The following HIBCH variants were observed in gnomAD, a reference collection of about 807,000 sequenced individuals.
The protein encoded by HIBCH is 3-hydroxyisobutyryl-CoA hydrolase, mitochondrial.
HIBCH carries 50 observed loss-of-function variants against 58.2 expected under a neutral mutation model. That is an observed-to-expected ratio of 0.86 (90% CI 0.68 to 1.09). The LOEUF (loss-of-function observed/expected upper bound fraction) is 1.09, where lower values mean the gene tolerates loss of function less well. HIBCH is among the 50% of genes least tolerant of loss of function. The pLI, the probability that HIBCH is intolerant of heterozygous loss-of-function variation, is 0.00. For synonymous variants in HIBCH, 151 were observed against 146.9 expected (o/e 1.03, Z -0.20); for missense variants, 450 against 449.7 (o/e 1.00, Z -0.01).
chr2:190,274,886 C>T (rs1210612502), intron 6 of HIBCH, among the ~76,000 whole-genome samples: 1 of 152,214 alleles, frequency 6.6e-6, no homozygotes, highest in Non-Finnish European at 1.5e-5. Context: ...GAAAGGGAGA[C>T]ACTCTTACAA....
chr2:190,213,284 T>C (rs748755432), intron 11 of HIBCH: 32 of 533,732 alleles, frequency 6.0e-5, no homozygotes, highest in Admixed American at 2.2e-4. Flanking sequence ...ATAAATTCTG[T>C]AGCTGTGACT....
intron 4 of HIBCH, 100 bp downstream of exon 4, chr2:190,294,445 TA>T (rs1688051547): frequency 4.8e-6 from 4 of 835,972 alleles, no homozygotes; most frequent in African/African-American, 3.5e-5. Context: ...TAAAAAGTTC[TA>T]AAAAGTAAAG....
chr2:190,293,323 G>A (rs1361295238), intron 4 of HIBCH, among the ~76,000 whole-genome samples: 1 of 152,104 alleles, frequency 6.6e-6, no homozygotes, highest in African/African-American at 2.4e-5. Flanking sequence ...CATGTTGGCA[G>A]GCACCTGTAA....
chr2:190,229,980 C>T (rs958426346), intron 11 of HIBCH, among the ~76,000 whole-genome samples: 4 of 152,098 alleles, frequency 2.6e-5, no homozygotes, highest in Admixed American at 1.3e-4. Flanking sequence ...TGGTTGGTTA[C>T]TGTAGAGAGC....
Position 190,306,014 on chromosome 2 carries a change from A to C in HIBCH, c.78+4740T>G, listed in dbSNP as rs566259033. Reference sequence around the variant, plus strand: ...TAGCAAAAATGGAATGCCATACCTTATTCTGCACCTCCCACTGTTAATTCA... The same window carrying C: ...TAGCAAAAATGGAATGCCATACCTTCTTCTGCACCTCCCACTGTTAATTCA... On this transcript the variant is annotated intron_variant, in intron 2 of 13. Transcript: ENST00000359678. This position sits in a 1 kb window ranked among gnomAD's most constrained non-coding sequence, Gnocchi z 4.6. 8.5e-5 allele frequency among the ~76,000 whole-genome samples: 13 copies of C among 152,292 alleles called. No homozygotes were observed. Among genetic ancestry groups the C allele is most frequent in the Non-Finnish European group, 1.8e-4 (12 of 68,018 alleles).
intron 6 of HIBCH, among the ~76,000 whole-genome samples, chr2:190,269,893 T>TA (rs966151954): frequency 5.3e-5 from 8 of 151,724 alleles, no homozygotes; most frequent in Non-Finnish European, 7.4e-5. Flanking sequence ...TATGCAGCCA[T>TA]AAAAAAAACA....
Position 190,209,514 on chromosome 2 carries a change from T to A in HIBCH, c.1012-601A>T, listed in dbSNP as rs1476567808. On this transcript the variant is annotated intron_variant, in intron 12 of 13. Transcript: ENST00000359678. This position sits in a 1 kb window ranked among gnomAD's most constrained non-coding sequence, Gnocchi z 5.6. ...CTCAACCTCTACCCGTAGAGCACAC[T>A]CTTATTATAGTCTCAGCCAGTTACT... is the stretch of plus-strand genomic sequence containing the variant. Among the ~76,000 whole-genome samples the A allele has an allele frequency of 6.6e-6, 1 of 152,176 alleles. No homozygotes were observed. Among genetic ancestry groups the A allele is most frequent in the Non-Finnish European group, 1.5e-5 (1 of 68,032 alleles).
In HIBCH at chr2:190,264,825, G is replaced by A. The variant is rs982619365; in HGVS notation, c.439-3591C>T. Among the ~76,000 whole-genome samples, 4 of 151,994 alleles carry A rather than the reference G, an allele frequency of 2.6e-5. No individual in the cohort carries two copies. In the South Asian group the frequency reaches 8.3e-4, roughly 31 times the overall value. ...CAGGGAGTAAAAGTGTCAGGTCAAA[G>A]GGTATTAATCAGCCAGGTACAGTGG... On this transcript the variant is annotated intron_variant, in intron 6 of 13. Coordinates refer to ENST00000359678, the MANE Select transcript of HIBCH (RefSeq NM_014362.4).
chr2:190,221,836 C>T (rs1160626422), intron 11 of HIBCH, among the ~76,000 whole-genome samples: 1 of 152,156 alleles, frequency 6.6e-6, no homozygotes, highest in Admixed American at 6.5e-5. Flanking sequence ...AGGAATCTGG[C>T]CAGGGATGGC....
In HIBCH at chr2:190,279,283, T is replaced by A. The variant is rs2664246; in HGVS notation, c.438+8303A>T. Among the ~76,000 whole-genome samples, 2 of 152,048 alleles carry A rather than the reference T, an allele frequency of 1.3e-5. No homozygotes were observed. Among genetic ancestry groups the A allele is most frequent in the African/African-American group, 4.8e-5 (2 of 41,354 alleles). On this transcript the variant is annotated intron_variant, in intron 6 of 13. Coordinates refer to ENST00000359678, the MANE Select transcript of HIBCH (RefSeq NM_014362.4). The surrounding 1 kb of genome is among the most constrained non-coding windows in gnomAD (Gnocchi z 4.2). Reference sequence around the variant, plus strand: ...GCCTCACTTCTTAATACTGTTACATTCAGGATTAAGTTTCAACATGAGTTT... The same window carrying A: ...GCCTCACTTCTTAATACTGTTACATACAGGATTAAGTTTCAACATGAGTTT...
At chr2:190,194,742 G>A (rs1449127908) in intron 1 of HIBCH, among the ~76,000 whole-genome samples, 1 of 152,036 alleles carries the variant, frequency 6.6e-6, no homozygotes, top group Non-Finnish European at 1.5e-5. Flanking sequence ...ACTGTCTCCA[G>A]AGTCTTGCCA....
intron 11 of HIBCH, among the ~76,000 whole-genome samples, chr2:190,232,141 A>C (rs2105920913): frequency 6.6e-6 from 1 of 152,216 alleles, no homozygotes; most frequent in East Asian, 1.9e-4. Context: ...TTTGCAGTGA[A>C]CTGAGACTGT....
At chr2:190,298,044 T>C (rs2124826417) in intron 2 of HIBCH, among the ~76,000 whole-genome samples, 1 of 152,264 alleles carries the variant, frequency 6.6e-6, no homozygotes, top group South Asian at 2.1e-4. Context: ...CTGAGAATGA[T>C]AGTTTACAGC....
At chr2:190,253,817 G>A (rs1686848484) in intron 7 of HIBCH, among the ~76,000 whole-genome samples, 1 of 152,062 alleles carries the variant, frequency 6.6e-6, no homozygotes, top group Admixed American at 6.5e-5. Flanking sequence ...AGCCACTCTG[G>A]TCTTCTTTCA....
chr2:190,259,710 C>T (rs901243822), intron 7 of HIBCH, among the ~76,000 whole-genome samples: 1 of 152,094 alleles, frequency 6.6e-6, no homozygotes, highest in Non-Finnish European at 1.5e-5. Flanking sequence ...TATCCTACAG[C>T]TTTACTGTAT....
Position 190,244,484 on chromosome 2 carries a change from T to C in HIBCH, c.891+403A>G, listed in dbSNP as rs190608617. 3.5e-3 allele frequency among the ~76,000 whole-genome samples: 534 copies of C among 152,264 alleles called. 8 individuals are homozygous for C. Among genetic ancestry groups the C allele is most frequent in the African/African-American group, 0.012 (517 of 41,568 alleles). ...TTAAACCTCCTGTTTAGAAAGACCA[T>C]ATTAAGTAGAATTTATAGATCAATG... On this transcript the variant is annotated intron_variant, in intron 11 of 13. Transcript: ENST00000359678.
In HIBCH at chr2:190,281,909, G is replaced by C. The variant is rs1395406604; in HGVS notation, c.438+5677C>G. Among the ~76,000 whole-genome samples, 1 of 152,092 alleles carries C rather than the reference G, an allele frequency of 6.6e-6. No homozygotes were observed. The highest frequency in any genetic ancestry group is 1.5e-5 in the Non-Finnish European group (1 of 68,026). ...AGGTTCTTTGTCACTTTATTACAAGGATGCTCTTTACTCCAATATCTTGTT... is the reference window on the plus strand; with the variant it reads ...AGGTTCTTTGTCACTTTATTACAAGCATGCTCTTTACTCCAATATCTTGTT... On this transcript the variant is annotated intron_variant, in intron 6 of 13. Transcript: ENST00000359678. This position sits in a 1 kb window ranked among gnomAD's most constrained non-coding sequence, Gnocchi z 5.4.
intron 7 of HIBCH, among the ~76,000 whole-genome samples, chr2:190,259,620 T>A (rs908337472): frequency 3.4e-4 from 52 of 152,366 alleles, no homozygotes; most frequent in East Asian, 1.9e-4. Flanking sequence ...TTGATGCTTT[T>A]GTAAATGAAA....
At position 190,206,922 on chromosome 2, in the gene HIBCH, G is replaced by A. The variant is rs1451254078; in HGVS notation, c.1046-1690C>T. Among the ~76,000 whole-genome samples the A allele has an allele frequency of 2.0e-5, 3 of 152,014 alleles. No individual in the cohort carries two copies. The highest frequency in any genetic ancestry group is 2.1e-4 in the South Asian group (1 of 4,822). On this transcript the variant is annotated intron_variant, in intron 13 of 13. Transcript: ENST00000359678. This position sits in a 1 kb window ranked among gnomAD's most constrained non-coding sequence, Gnocchi z 5.1. ...AGGCGGATTACGAGGTCAGGAGATC[G>A]AGACCATCCTGGCTAACACTGTGAA...
Sources: allele counts gnomAD v4.1 joint callset (sites outside exome capture counted in the v4.1 genomes callset), GRCh38; gene constraint gnomAD v4.1.1; non-coding constraint Gnocchi (gnomAD v3.1); transcripts MANE v1.5; gene names NCBI Gene and HGNC (gene_info 2026-07-23, HGNC 2026-07-21).